RUNDC3B: variants seen among roughly 807,000 people sequenced by gnomAD.
The protein encoded by RUNDC3B is RUN domain-containing protein 3B.
In RUNDC3B, 33 loss-of-function variants were observed where a neutral mutation model predicts 58.4. The observed-to-expected ratio is 0.56, with a 90% CI of 0.43 to 0.75. The LOEUF is 0.75. Among genes scored for constraint, RUNDC3B ranks in the 30% least tolerant of loss-of-function variants. RUNDC3B has a pLI of 0.00. For synonymous variants in RUNDC3B, 193 were observed against 195.2 expected (o/e 0.99, Z 0.10); for missense variants, 501 against 535.7 (o/e 0.94, Z 0.64).
intron 1 of RUNDC3B, among the ~76,000 whole-genome samples, chr7:87,648,308 T>G (rs1457545782): frequency 6.6e-6 from 1 of 152,064 alleles, no homozygotes; most frequent in East Asian, 1.9e-4. Flanking sequence ...TTTCTCCTGT[T>G]TAAGAGAATC....
intron 2 of RUNDC3B, among the ~76,000 whole-genome samples, chr7:87,675,536 A>G (rs921935344): frequency 5.9e-5 from 9 of 152,142 alleles, no homozygotes; most frequent in South Asian, 2.1e-4. Flanking sequence ...TAGAGAACCC[A>G]GAAATTAATG....
At chr7:87,631,498 C>T (rs1368458639) in intron 1 of RUNDC3B, among the ~76,000 whole-genome samples, 1 of 152,210 alleles carries the variant, frequency 6.6e-6, no homozygotes, top group Non-Finnish European at 1.5e-5. Context: ...TCACGCCATT[C>T]TCCTGCCTCA....
At chr7:87,823,276 G>A (rs532281564) in intron 10 of RUNDC3B, among the ~76,000 whole-genome samples, 1 of 151,712 alleles carries the variant, frequency 6.6e-6, no homozygotes, top group Non-Finnish European at 1.5e-5. Context: ...ACCCCAACAG[G>A]TACTCTTTTT....
chr7:87,751,360 C>A (rs186782790), intron 6 of RUNDC3B, among the ~76,000 whole-genome samples: 2 of 152,178 alleles, frequency 1.3e-5, no homozygotes, highest in African/African-American at 2.4e-5. Context: ...CTTGGTGATG[C>A]GGGCTCTTTT....
chr7:87,758,776 A>T (rs1489244467), intron 6 of RUNDC3B, among the ~76,000 whole-genome samples: 1 of 152,186 alleles, frequency 6.6e-6, no homozygotes, highest in African/African-American at 2.4e-5. Flanking sequence ...AACTACAATG[A>T]GATATCATCT....
At chr7:87,825,384 A>AC (rs1837747194) in intron 10 of RUNDC3B, among the ~76,000 whole-genome samples, 1 of 152,196 alleles carries the variant, frequency 6.6e-6, no homozygotes, top group Non-Finnish European at 1.5e-5. Flanking sequence ...CTGCAAGTGC[A>AC]CACAAGTCAA....
At chr7:87,705,785 CAT>C (rs1829530321) in intron 3 of RUNDC3B, among the ~76,000 whole-genome samples, 1 of 152,066 alleles carries the variant, frequency 6.6e-6, no homozygotes, top group Non-Finnish European at 1.5e-5. Context: ...CTCTTATAAA[CAT>C]ATTATATGAT....
intron 6 of RUNDC3B, among the ~76,000 whole-genome samples, chr7:87,746,294 T>G (rs1012379995): frequency 1.3e-5 from 2 of 152,164 alleles, no homozygotes; most frequent in Non-Finnish European, 2.9e-5. Context: ...GAATGAAATG[T>G]TCTGTATATA....
intron 4 of RUNDC3B, among the ~76,000 whole-genome samples, chr7:87,711,918 T>C (rs1830126273): frequency 1.3e-5 from 2 of 152,158 alleles, no homozygotes; most frequent in African/African-American, 4.8e-5. Flanking sequence ...AAACTAGTTT[T>C]GATAGAAAAA....
intron 3 of RUNDC3B, among the ~76,000 whole-genome samples, chr7:87,700,806 A>G (rs1828965781): frequency 6.6e-6 from 1 of 152,232 alleles, no homozygotes. Flanking sequence ...ATATTTTTAT[A>G]TAATATCAAC....
At chr7:87,649,629 A>G (rs28381755) in intron 1 of RUNDC3B, among the ~76,000 whole-genome samples, 1,929 of 152,292 alleles carry the variant, frequency 0.013, 40 homozygotes, top group African/African-American at 0.044. Flanking sequence ...ATAAGGAAAA[A>G]TATAGTACAC....
chr7:87,685,687 G>C (rs573971491), intron 2 of RUNDC3B, among the ~76,000 whole-genome samples: 19 of 152,190 alleles, frequency 1.2e-4, no homozygotes, highest in African/African-American at 4.3e-4. Context: ...GCAGGGTGGG[G>C]GTTGACAAGC....
intron 3 of RUNDC3B, among the ~76,000 whole-genome samples, chr7:87,704,351 C>G (rs1453727589): frequency 6.6e-6 from 1 of 152,126 alleles, no homozygotes; most frequent in African/African-American, 2.4e-5. Flanking sequence ...ATTCTAGATG[C>G]TACATAAACA....
At chr7:87,822,977 A>C (rs1230274060) in intron 10 of RUNDC3B, among the ~76,000 whole-genome samples, 4 of 152,156 alleles carry the variant, frequency 2.6e-5, no homozygotes, top group Non-Finnish European at 5.9e-5. Context: ...AACATGGCAC[A>C]TGTATACATA....
At chr7:87,827,998 G>C (rs1170774144) in intron 10 of RUNDC3B, among the ~76,000 whole-genome samples, 2 of 151,972 alleles carry the variant, frequency 1.3e-5, no homozygotes, top group South Asian at 2.1e-4. Context: ...AAAAAAGAAA[G>C]CAATAAATGT....
chr7:87,727,454 G>A (rs117509705), intron 4 of RUNDC3B, among the ~76,000 whole-genome samples: 6 of 151,856 alleles, frequency 4.0e-5, no homozygotes, highest in African/African-American at 1.5e-4. Context: ...GTGCTTATTT[G>A]TATTTCTTTG....
In RUNDC3B at chr7:87,739,824, T is replaced by G. The variant is rs149837212; in HGVS notation, c.492T>G (p.Gly164=). 4.0e-4 allele frequency: 633 copies of G among 1,597,054 alleles called. No homozygotes were observed. The highest frequency in any genetic ancestry group is 5.3e-4 in the Non-Finnish European group (613 of 1,167,592). Residue 164 remains glycine, a synonymous_variant, in exon 5 of 11, where the codon GGT becomes GGG. Transcript: ENST00000394654. ...RFYEDGAIVL[G]EEANMLAGML... Reference sequence around the variant, plus strand: ...ATGAAGATGGAGCAATTGTCTTGGGTGAAGAAGCAAATATGCTTGCTGGCA... The same window carrying G: ...ATGAAGATGGAGCAATTGTCTTGGGGGAAGAAGCAAATATGCTTGCTGGCA...
At chr7:87,823,790 A>G (rs1837631541) in intron 10 of RUNDC3B, among the ~76,000 whole-genome samples, 1 of 146,064 alleles carries the variant, frequency 6.8e-6, no homozygotes, top group Non-Finnish European at 1.5e-5. Flanking sequence ...TTTCATATAT[A>G]TACACACACA....
chr7:87,809,678 C>T (rs1836608087), intron 9 of RUNDC3B, among the ~76,000 whole-genome samples: 1 of 152,098 alleles, frequency 6.6e-6, no homozygotes, highest in Non-Finnish European at 1.5e-5. Context: ...ACTTTCTGAA[C>T]CTTATGTAAA....
Sources: gnomAD v4.1 joint callset for allele counts (sites outside exome capture counted in the v4.1 genomes callset) on GRCh38, gnomAD v4.1.1 for gene constraint, MANE v1.5 for transcripts, NCBI Gene and HGNC (gene_info 2026-07-23, HGNC 2026-07-21) for gene names.